NALF1: variants seen among roughly 807,000 people sequenced by gnomAD.
The protein encoded by NALF1 is NALCN channel auxiliary factor 1, also known as family with sequence similarity 155 member A.
In NALF1, 3 loss-of-function variants were observed where a neutral mutation model predicts 48.4. That is an observed-to-expected ratio of 0.06 (90% CI 0.03 to 0.16). The LOEUF (loss-of-function observed/expected upper bound fraction) is 0.16. Among genes scored for constraint, NALF1 ranks in the 10% least tolerant of loss-of-function variants. The pLI is 1.00. For missense variants in NALF1, 526 were observed against 571.5 expected (o/e 0.92, Z 0.81); for synonymous variants, 262 against 245.7 (o/e 1.07, Z -0.62).
intron 2 of NALF1, among the ~76,000 whole-genome samples, chr13:107,210,117 C>T (rs1471054841): frequency 6.6e-6 from 1 of 151,898 alleles, no homozygotes; most frequent in Admixed American, 6.6e-5. Flanking sequence ...TTTTAATGCT[C>T]TTAATACTTT....
intron 1 of NALF1, among the ~76,000 whole-genome samples, chr13:107,295,390 T>C (rs1226953966): frequency 2.0e-5 from 3 of 152,212 alleles, no homozygotes; most frequent in Admixed American, 2.0e-4. Context: ...TAATCCACCA[T>C]TGATGGACGC....
chr13:107,447,611 A>G (rs1165187387), intron 1 of NALF1, among the ~76,000 whole-genome samples: 1 of 151,986 alleles, frequency 6.6e-6, no homozygotes, highest in African/African-American at 2.4e-5. Flanking sequence ...GGGCACTGTC[A>G]TTATTATTCC....
chr13:107,315,901 T>TATA (rs1392779268), intron 1 of NALF1, among the ~76,000 whole-genome samples: 3 of 149,790 alleles, frequency 2.0e-5, no homozygotes, highest in African/African-American at 7.4e-5. Context: ...ATATATATAT[T>TATA]TATTTATTTA....
intron 1 of NALF1, among the ~76,000 whole-genome samples, chr13:107,599,549 C>G (rs1037869433): frequency 1.3e-5 from 2 of 152,110 alleles, no homozygotes; most frequent in Non-Finnish European, 2.9e-5. Context: ...CATTTTTCTA[C>G]ATTTCAGCCA....
intron 1 of NALF1, among the ~76,000 whole-genome samples, chr13:107,774,353 C>A (rs1406069126): frequency 6.6e-6 from 1 of 152,178 alleles, no homozygotes; most frequent in Non-Finnish European, 1.5e-5. Flanking sequence ...AGTCCACAGG[C>A]AACACCACTG....
At chr13:107,566,678 T>C (rs1877819049) in intron 1 of NALF1, among the ~76,000 whole-genome samples, 1 of 152,234 alleles carries the variant, frequency 6.6e-6, no homozygotes, top group Non-Finnish European at 1.5e-5. Context: ...TTTATTTGCA[T>C]ACCATTGATC....
intron 1 of NALF1, among the ~76,000 whole-genome samples, chr13:107,369,724 A>C (rs756674801): frequency 1.1e-4 from 16 of 152,174 alleles, no homozygotes; most frequent in Non-Finnish European, 1.5e-4. Flanking sequence ...ACAGTTTTTA[A>C]GAAGAGAAAT....
At chr13:107,511,174 G>C (rs1047134306) in intron 1 of NALF1, among the ~76,000 whole-genome samples, 6 of 152,190 alleles carry the variant, frequency 3.9e-5, no homozygotes, top group Admixed American at 1.3e-4. Context: ...AAGTCAAGAA[G>C]TTTGAAGTGA....
intron 1 of NALF1, among the ~76,000 whole-genome samples, chr13:107,323,061 T>C (rs1322949123): frequency 2.0e-5 from 3 of 152,114 alleles, no homozygotes; most frequent in Non-Finnish European, 4.4e-5. Context: ...TATCTTTTCA[T>C]GAATGAAGTT....
intron 1 of NALF1, among the ~76,000 whole-genome samples, chr13:107,665,747 C>T (rs866966678): frequency 6.7e-6 from 1 of 149,556 alleles, no homozygotes; most frequent in African/African-American, 2.5e-5. Context: ...AAAGGGACAC[C>T]GAATAATATG....
intron 1 of NALF1, among the ~76,000 whole-genome samples, chr13:107,516,191 C>T (rs74499237): frequency 0.048 from 7,304 of 152,236 alleles, 210 homozygotes; most frequent in Non-Finnish European, 0.059. Flanking sequence ...ATAAAGAGTT[C>T]TCATCCAGCT....
intron 1 of NALF1, among the ~76,000 whole-genome samples, chr13:107,620,712 T>C (rs1050975719): frequency 4.6e-5 from 7 of 152,150 alleles, no homozygotes; most frequent in Admixed American, 6.5e-5. Flanking sequence ...GACAGATATA[T>C]ATGGGCCTAA....
chr13:107,511,754 A>G (rs1875898064), intron 1 of NALF1, among the ~76,000 whole-genome samples: 1 of 152,210 alleles, frequency 6.6e-6, no homozygotes, highest in Non-Finnish European at 1.5e-5. Context: ...ATCTACTCAG[A>G]ATATTGATGT....
intron 1 of NALF1, among the ~76,000 whole-genome samples, chr13:107,812,447 T>C (rs780784276): frequency 1.3e-5 from 2 of 152,160 alleles, no homozygotes; most frequent in African/African-American, 2.4e-5. Context: ...ATATACAACA[T>C]TGACATATTT....
chr13:107,377,701 T>C (rs1277669871), intron 1 of NALF1, among the ~76,000 whole-genome samples: 1 of 152,190 alleles, frequency 6.6e-6, no homozygotes, highest in Non-Finnish European at 1.5e-5. Flanking sequence ...GACTGGAGAA[T>C]GCCAGGGCCT....
chr13:107,695,212 T>C (rs1594212031), intron 1 of NALF1, among the ~76,000 whole-genome samples: 1 of 152,240 alleles, frequency 6.6e-6, no homozygotes, highest in East Asian at 1.9e-4. Flanking sequence ...ATATTTAAAA[T>C]AGAAGGAATT....
chr13:107,364,856 A>T (rs1345835524), intron 1 of NALF1, among the ~76,000 whole-genome samples: 1 of 151,880 alleles, frequency 6.6e-6, no homozygotes, highest in Non-Finnish European at 1.5e-5. Context: ...CCATTTCACC[A>T]ATATCTGATT....
chr13:107,745,779 C>A (rs986621220), intron 1 of NALF1, among the ~76,000 whole-genome samples: 1 of 152,084 alleles, frequency 6.6e-6, no homozygotes, highest in Non-Finnish European at 1.5e-5. Flanking sequence ...CTTCTTGGGA[C>A]CTCATCATGC....
At chr13:107,311,336 G>C (rs1188224705) in intron 1 of NALF1, among the ~76,000 whole-genome samples, 1 of 152,010 alleles carries the variant, frequency 6.6e-6, no homozygotes, top group Non-Finnish European at 1.5e-5. Flanking sequence ...GTCAATTCTA[G>C]AGCTATCTAA....
Sources: gnomAD v4.1 joint callset for allele counts (sites outside exome capture counted in the v4.1 genomes callset) on GRCh38, gnomAD v4.1.1 for gene constraint, MANE v1.5 for transcripts, NCBI Gene and HGNC (gene_info 2026-07-23, HGNC 2026-07-21) for gene names.